Variants in GALNT13 observed in about 807,000 individuals in gnomAD.
GALNT13 encodes polypeptide N-acetylgalactosaminyltransferase 13.
Under a neutral mutation model 64.2 loss-of-function variants are expected in GALNT13, and 28 were observed. That is an observed-to-expected ratio of 0.44 (90% CI 0.32 to 0.60). GALNT13 has a LOEUF of 0.60. Ranked by LOEUF, GALNT13 falls within the 20% of genes least tolerant of loss-of-function variation. The pLI is 0.05. For missense variants in GALNT13, 577 were observed against 669.8 expected (o/e 0.86, Z 1.53); for synonymous variants, 214 against 224.6 (o/e 0.95, Z 0.42).
the GALNT13 span, among the ~76,000 whole-genome samples, chr2:153,709,427 T>G: frequency 6.6e-6 from 1 of 152,020 alleles, no homozygotes; most frequent in Admixed American, 6.6e-5. Flanking sequence ...AAATGAAAAT[T>G]GAAACCACAA....
chr2:153,656,437 G>T, the GALNT13 span, among the ~76,000 whole-genome samples: 43,278 of 151,752 alleles, frequency 0.29, 6,673 homozygotes, highest in Admixed American at 0.4. Flanking sequence ...GAAAAATACT[G>T]CACTTAGCTG....
chr2:153,840,464 A>G, the GALNT13 span, among the ~76,000 whole-genome samples: 1 of 152,122 alleles, frequency 6.6e-6, no homozygotes, highest in Middle Eastern at 3.2e-3. Flanking sequence ...TATATTTATC[A>G]TATTGAGAAG....
At chr2:154,287,074 C>G (rs1692309960) in intron 8 of GALNT13, 1 of 782,488 alleles carries the variant, frequency 1.3e-6, no homozygotes, top group Non-Finnish European at 2.2e-6. Flanking sequence ...TTGGGCTCAT[C>G]CACCCACCTT....
the GALNT13 span, among the ~76,000 whole-genome samples, chr2:153,102,462 A>G: frequency 4.6e-5 from 7 of 152,116 alleles, no homozygotes; most frequent in South Asian, 2.1e-4. Context: ...TGGCTCCCCA[A>G]TTTTCAGTTT....
At chr2:153,682,554 A>G in the GALNT13 span, among the ~76,000 whole-genome samples, 4 of 151,746 alleles carry the variant, frequency 2.6e-5, no homozygotes, top group Non-Finnish European at 5.9e-5. Flanking sequence ...CACATAAATA[A>G]ATCTAAAACA....
the GALNT13 span, among the ~76,000 whole-genome samples, chr2:153,688,396 T>C: frequency 6.6e-6 from 1 of 152,020 alleles, no homozygotes; most frequent in Non-Finnish European, 1.5e-5. Context: ...AGACTCTCAA[T>C]ATCACTAAAT....
intron 3 of GALNT13, among the ~76,000 whole-genome samples, chr2:154,029,865 A>G (rs1698230379): frequency 6.6e-6 from 1 of 152,202 alleles, no homozygotes; most frequent in South Asian, 2.1e-4. Context: ...AGCATAAGAA[A>G]GAGTCAGATG....
intron 9 of GALNT13, among the ~76,000 whole-genome samples, chr2:154,381,590 A>G (rs1698273804): frequency 6.6e-6 from 1 of 152,082 alleles, no homozygotes; most frequent in Non-Finnish European, 1.5e-5. Flanking sequence ...AAGATGCACA[A>G]CAAAACGTGA....
At chr2:153,417,348 T>G in the GALNT13 span, among the ~76,000 whole-genome samples, 1 of 152,186 alleles carries the variant, frequency 6.6e-6, no homozygotes, top group African/African-American at 2.4e-5. Flanking sequence ...GTTTTCTCTC[T>G]CTCAGAGTGA....
At chr2:153,210,502 T>C in the GALNT13 span, among the ~76,000 whole-genome samples, 1 of 152,168 alleles carries the variant, frequency 6.6e-6, no homozygotes, top group African/African-American at 2.4e-5. Flanking sequence ...GGATAAACAC[T>C]AGTGGATCAT....
At chr2:154,201,533 T>C (rs142938171) in intron 4 of GALNT13, among the ~76,000 whole-genome samples, 4 of 152,196 alleles carry the variant, frequency 2.6e-5, no homozygotes, top group African/African-American at 9.6e-5. Context: ...TGTCATGCGA[T>C]TGGGCCCCTT....
At chr2:153,126,320 A>G in the GALNT13 span, among the ~76,000 whole-genome samples, 52,388 of 110,428 alleles carry the variant, frequency 0.47, 12,951 homozygotes, top group Admixed American at 0.58. Context: ...ATATATATAT[A>G]TATATATATA....
intron 4 of GALNT13, among the ~76,000 whole-genome samples, chr2:154,178,505 G>A (rs185574076): frequency 2.4e-4 from 37 of 152,148 alleles, no homozygotes; most frequent in African/African-American, 8.2e-4. Flanking sequence ...ACATGCACAT[G>A]TGTATATATA....
chr2:153,449,083 C>T, the GALNT13 span, among the ~76,000 whole-genome samples: 205 of 152,012 alleles, frequency 1.3e-3, 1 homozygote, highest in African/African-American at 4.7e-3. Context: ...GTGCATGTAC[C>T]AAGGAAAGGC....
chr2:153,260,229 T>C, the GALNT13 span, among the ~76,000 whole-genome samples: 2 of 152,354 alleles, frequency 1.3e-5, no homozygotes, highest in Non-Finnish European at 2.9e-5. Flanking sequence ...ACTTAAGATA[T>C]GAGTAGTTTA....
chr2:153,359,663 A>AAAAAT, the GALNT13 span, among the ~76,000 whole-genome samples: 1 of 141,692 alleles, frequency 7.1e-6, no homozygotes, highest in Non-Finnish European at 1.5e-5. Context: ...AAAAAAAAAA[A>AAAAAT]GTGACATATG....
At chr2:154,035,882 A>G (rs1204641215) in intron 3 of GALNT13, among the ~76,000 whole-genome samples, 1 of 152,062 alleles carries the variant, frequency 6.6e-6, no homozygotes, top group Non-Finnish European at 1.5e-5. Flanking sequence ...GGAATAAAGA[A>G]TAAATAATCT....
chr2:154,086,372 A>G (rs1476772303), intron 3 of GALNT13, among the ~76,000 whole-genome samples: 1 of 148,128 alleles, frequency 6.8e-6, no homozygotes, highest in Non-Finnish European at 1.5e-5. Flanking sequence ...TTCTTTATAT[A>G]TCACCAATTC....
chr2:153,933,239 A>G (rs1025852256), intron 2 of GALNT13, among the ~76,000 whole-genome samples: 1 of 152,092 alleles, frequency 6.6e-6, no homozygotes, highest in African/African-American at 2.4e-5. Flanking sequence ...CCCCATTACT[A>G]TTGTGTGGTT....
Sources: gnomAD v4.1 joint callset for allele counts (sites outside exome capture counted in the v4.1 genomes callset) on GRCh38, gnomAD v4.1.1 for gene constraint, MANE v1.5 for transcripts, NCBI Gene and HGNC (gene_info 2026-07-23, HGNC 2026-07-21) for gene names.